Variants in SUFU observed in about 807,000 individuals in gnomAD.
SUFU encodes the protein suppressor of fused homolog.
Under a neutral mutation model 58.9 loss-of-function variants are expected in SUFU, and 7 were observed. The ratio of observed to expected loss-of-function variants is 0.12; its 90% CI spans 0.07 to 0.22. The LOEUF is 0.22. SUFU is among the 10% of genes least tolerant of loss of function. The probability of loss-of-function intolerance (pLI) is 1.00; values close to 1 mark genes in which losing one functional copy is unlikely to be tolerated. For missense variants in SUFU, 451 were observed against 641.3 expected (o/e 0.70, Z 3.20); for synonymous variants, 232 against 254.8 (o/e 0.91, Z 0.85).
chr10:102,527,070 T>C (rs1352861420), intron 2 of SUFU, among the ~76,000 whole-genome samples: 2 of 145,848 alleles, frequency 1.4e-5, no homozygotes, highest in Non-Finnish European at 3.0e-5. Context: ...TGGTGCGATC[T>C]CAGCTCACTG....
intron 2 of SUFU, among the ~76,000 whole-genome samples, chr10:102,533,420 A>C (rs1013502240): frequency 3.3e-5 from 5 of 151,912 alleles, no homozygotes; most frequent in Admixed American, 2.6e-4. Context: ...AAAAAAAAAA[A>C]AAAATTAGCC....
chr10:102,513,235 A>G (rs779674630), intron 2 of SUFU, among the ~76,000 whole-genome samples: 7 of 152,124 alleles, frequency 4.6e-5, no homozygotes, highest in Non-Finnish European at 8.8e-5. Flanking sequence ...GACTTAATGA[A>G]TCCTCATTTA....
chr10:102,504,578 T>G (rs1589970594), intron 1 of SUFU, among the ~76,000 whole-genome samples: 1 of 117,498 alleles, frequency 8.5e-6, no homozygotes, highest in Non-Finnish European at 1.8e-5. Context: ...GGACTGGGGG[T>G]GTGTGTAGGA....
rs2063695045 is a variant in SUFU at position 102,617,174 on chromosome 10, A to G, written c.1158-116A>G. The G allele has an allele frequency of 7.3e-7, 1 of 1,378,232 alleles. No homozygotes were observed. Among genetic ancestry groups the G allele is most frequent in the Non-Finnish European group, 1.0e-6 (1 of 977,620 alleles). The allele number at this position is 1,378,232 out of a possible 1,614,324, so 85.4% of individuals were successfully genotyped here. A position where few individuals can be genotyped will look rare whatever the true frequency, so the allele number is the denominator to read the frequency against. ...TGGGCAGGTGGGCAGCCAGGAGGGC[A>G]TGTTACCTGGCCCGCGGACCATAGT... On this transcript the variant is annotated intron_variant, in intron 9 of 11. Coordinates refer to ENST00000369902, the MANE Select transcript of SUFU (RefSeq NM_016169.4). This position sits in a 1 kb window ranked among gnomAD's most constrained non-coding sequence, Gnocchi z 4.4.
At chr10:102,622,060 T>G (rs1421929920) in intron 10 of SUFU, among the ~76,000 whole-genome samples, 8 of 152,170 alleles carry the variant, frequency 5.3e-5, no homozygotes. Flanking sequence ...CCAAGCTGGT[T>G]AAGGCAGCTG....
chr10:102,565,608 GAT>G (rs2063079647), intron 3 of SUFU, among the ~76,000 whole-genome samples: 1 of 152,158 alleles, frequency 6.6e-6, no homozygotes, highest in Non-Finnish European at 1.5e-5. Context: ...GCAGTGGCGC[GAT>G]CTCGGCTCAC....
intron 2 of SUFU, among the ~76,000 whole-genome samples, chr10:102,513,168 T>C (rs1307575888): frequency 6.6e-6 from 1 of 152,224 alleles, no homozygotes; most frequent in Non-Finnish European, 1.5e-5. Context: ...CTGTTAAGTT[T>C]CTTGAAGAAA....
chr10:102,531,977 T>TA (rs1461157144), intron 2 of SUFU, among the ~76,000 whole-genome samples: 77 of 150,868 alleles, frequency 5.1e-4, no homozygotes, highest in African/African-American at 1.9e-3. Flanking sequence ...TTTTTTGAGA[T>TA]AGAGTCTTGC....
At chr10:102,584,447 C>G (rs1020795655) in intron 3 of SUFU, among the ~76,000 whole-genome samples, 2 of 152,212 alleles carry the variant, frequency 1.3e-5, no homozygotes, top group African/African-American at 2.4e-5. Flanking sequence ...TCCCAAAATG[C>G]TAGGATTACA....
intron 8 of SUFU, among the ~76,000 whole-genome samples, chr10:102,609,152 T>G (rs7898797): frequency 2.6e-5 from 4 of 152,216 alleles, no homozygotes; most frequent in African/African-American, 9.7e-5. Context: ...TTATTTAAGT[T>G]TCTGAGTTTC....
At chr10:102,584,308 A>G (rs1370439505) in intron 3 of SUFU, among the ~76,000 whole-genome samples, 1 of 152,212 alleles carries the variant, frequency 6.6e-6, no homozygotes, top group Non-Finnish European at 1.5e-5. Context: ...GGTAACTGGT[A>G]GCATGAATAG....
intron 2 of SUFU, among the ~76,000 whole-genome samples, chr10:102,527,027 C>T (rs558217614): frequency 1.7e-4 from 21 of 126,942 alleles, no homozygotes; most frequent in African/African-American, 5.1e-4. Context: ...GATGGAGTCT[C>T]GCTCTGTCGC....
In SUFU at chr10:102,631,800, T is replaced by A. The variant is rs1257112118; in HGVS notation, c.*1645T>A. On this transcript the variant is annotated 3_prime_UTR_variant, in exon 12 of 12. Coordinates refer to ENST00000369902, the MANE Select transcript of SUFU (RefSeq NM_016169.4). ...TCCTCTACACATCCCCAGGGCTATCTGGTTAATTCCATCAAGCTCAGAGTT... is the reference window on the plus strand; with the variant it reads ...TCCTCTACACATCCCCAGGGCTATCAGGTTAATTCCATCAAGCTCAGAGTT... The A allele has an allele frequency of 4.3e-6, 1 of 233,212 alleles. No homozygotes were observed. Among genetic ancestry groups the A allele is most frequent in the Non-Finnish European group, 8.5e-6 (1 of 118,080 alleles). The allele number at this position is 233,212 out of a possible 1,614,324, so 14.4% of individuals were successfully genotyped here.
At chr10:102,610,603 A>G (rs976626912) in intron 8 of SUFU, among the ~76,000 whole-genome samples, 1 of 152,152 alleles carries the variant, frequency 6.6e-6, no homozygotes, top group African/African-American at 2.4e-5. Flanking sequence ...TTGGATGAGC[A>G]TACCCAAAGA....
Position 102,630,242 on chromosome 10 carries a change from A to C in SUFU, c.*87A>C. ...TAACAGTTGTGTCAACGAGATCTCC[A>C]CAAATAAAAGGACAAGTGTGAGGAA... On this transcript the variant is annotated 3_prime_UTR_variant, in exon 12 of 12. Coordinates refer to ENST00000369902, the MANE Select transcript of SUFU (RefSeq NM_016169.4). The C allele has an allele frequency of 8.5e-7, 1 of 1,179,394 alleles. No homozygotes were observed. The highest frequency in any genetic ancestry group is 1.3e-6 in the Non-Finnish European group (1 of 794,282). The allele number at this position is 1,179,394 out of a possible 1,614,324, so 73.1% of individuals were successfully genotyped here.
At chr10:102,527,066 G>A (rs1301762492) in intron 2 of SUFU, among the ~76,000 whole-genome samples, 2 of 144,766 alleles carry the variant, frequency 1.4e-5, no homozygotes, top group South Asian at 2.2e-4. Context: ...GCAGTGGTGC[G>A]ATCTCAGCTC....
In SUFU at chr10:102,503,994, T is replaced by A; in HGVS notation, c.-159T>A. The A allele has an allele frequency of 1.8e-6, 2 of 1,088,054 alleles. No individual in the cohort carries two copies. The highest frequency in any genetic ancestry group is 2.5e-6 in the Non-Finnish European group (2 of 815,234). The allele number at this position is 1,088,054 out of a possible 1,614,324, so 67.4% of individuals were successfully genotyped here. On this transcript the variant is annotated 5_prime_UTR_variant, in exon 1 of 12. Transcript: ENST00000369902. The stretch of plus-strand genomic sequence containing the variant: ...GGCAGACTCGGCGGCGGCGACAGCC[T>A]GGGCGGACAGTGCGCCGTGCGCAGG...
intron 3 of SUFU, among the ~76,000 whole-genome samples, chr10:102,562,604 G>A (rs924417080): frequency 6.6e-6 from 1 of 150,572 alleles, no homozygotes. Flanking sequence ...AAAACAGTAG[G>A]TATTGGCTGG....
At chr10:102,564,540 C>G (rs1451251822) in intron 3 of SUFU, among the ~76,000 whole-genome samples, 6 of 152,142 alleles carry the variant, frequency 3.9e-5, no homozygotes, top group Non-Finnish European at 8.8e-5. Context: ...GCCATGTTGG[C>G]CACGCTGGTC....
Sources: gnomAD v4.1 joint callset for allele counts (sites outside exome capture counted in the v4.1 genomes callset) on GRCh38, gnomAD v4.1.1 for gene constraint, Gnocchi (gnomAD v3.1) non-coding constraint, MANE v1.5 for transcripts, NCBI Gene and HGNC (gene_info 2026-07-23, HGNC 2026-07-21) for gene names.